Variants in SLC43A2 observed in about 807,000 individuals in gnomAD.
SLC43A2 encodes the protein solute carrier family 43 member 2.
In SLC43A2, 38 loss-of-function variants were observed where a neutral mutation model predicts 63.2. That is an observed-to-expected ratio of 0.60 (90% confidence interval 0.46 to 0.79). The LOEUF (loss-of-function observed/expected upper bound fraction) is 0.79. SLC43A2 is among the 30% of genes least tolerant of loss of function. The pLI, the probability that SLC43A2 is intolerant of heterozygous loss-of-function variation, is 0.00. For missense variants in SLC43A2, 644 were observed against 756.2 expected, an observed-to-expected ratio of 0.85 and a Z score of 1.74; for synonymous variants, 322 against 331.0, an observed-to-expected ratio of 0.97 and a Z score of 0.30.
rs200784957 is a variant in SLC43A2, at chr17:1,616,672, C to A, written c.258G>T (p.Glu86Asp). Residue 86 changes from glutamate to aspartate, a missense_variant, in exon 3 of 14, where the codon GAG (glutamate) becomes GAT (aspartate). By Grantham distance (45) the Glu-to-Asp change is conservative (BLOSUM62 2). Around this residue, in one of 3 missense-constraint regions of SLC43A2, gnomAD observed 528 missense variants for 623.6 expected, o/e 0.85. Transcript: ENST00000301335. The stretch of plus-strand genomic sequence containing the variant: ...CCACAGTGAAGGCCAAATTTAGCAT[C>A]TCGTCCTGGGCCTGGCAGCTGAGCC... ...NGWLSCQAQD[E>D]MLNLAFTVGS... The A allele has an allele frequency of 6.2e-7, 1 of 1,614,196 alleles. No homozygotes were observed.
In SLC43A2 at chr17:1,578,431, G is replaced by A. The variant is rs2075966042; in HGVS notation, c.1351-108C>T. 9.3e-7 allele frequency: 1 copy of A among 1,072,170 alleles called. No individual in the cohort carries two copies. The highest frequency in any genetic ancestry group is 1.3e-6 in the Non-Finnish European group (1 of 741,570). 66.4% of individuals were successfully genotyped at this position (1,072,170 alleles called of 1,614,324 possible). On this transcript the variant is annotated intron_variant, in intron 11 of 13. Transcript: ENST00000301335. This position sits in a 1 kb window ranked among gnomAD's most constrained non-coding sequence, Gnocchi z 6.5. ...TCACCCCAGGGGCAGTGTCAGCCTGGAGTTGGATCAACCCCATCCTCCGGA... is the reference window on the plus strand; with the variant it reads ...TCACCCCAGGGGCAGTGTCAGCCTGAAGTTGGATCAACCCCATCCTCCGGA...
rs1908186342 is a variant in SLC43A2 at position 1,621,776 on chromosome 17, T to C, written c.161-5007A>G. ...GTCTCATGGGGGTCCCTGGGGAAGC[T>C]GGGCTTGACTCCAGGCTGTCAGACC... On this transcript the variant is annotated intron_variant, in intron 2 of 13. Coordinates refer to ENST00000301335, the MANE Select transcript of SLC43A2 (RefSeq NM_152346.3). Among the ~76,000 whole-genome samples the C allele has an allele frequency of 2.0e-5, 3 of 152,354 alleles. No individual in the cohort carries two copies. The South Asian group carries it at 6.2e-4, about 32-fold the overall frequency.
rs1169370998 is a variant in SLC43A2 at position 1,583,267 on chromosome 17, G to A, written c.1287C>T (p.Ala429=). 2.5e-6 allele frequency: 4 copies of A among 1,614,110 alleles called. No individual in the cohort carries two copies. The East Asian group carries it at 6.7e-5, about 27-fold the overall frequency. ...AGCCCACGAGCAGCAGGTTGGTGAA[G>A]GCGAAGGCCCGCATGGCATTAGTGA... ...QKITNAMRAF[A]FTNLLLVGFG... is the part of the protein sequence containing the mutation. Residue 429 remains alanine, a synonymous_variant, in exon 11 of 14, where the codon GCC becomes GCT. Coordinates refer to ENST00000301335, the MANE Select transcript of SLC43A2 (RefSeq NM_152346.3). The surrounding 1 kb of genome is among the most constrained non-coding windows in gnomAD (Gnocchi z 5.5).
At position 1,593,699 on chromosome 17, in the gene SLC43A2, A is replaced by G. The variant is rs1358084427; in HGVS notation, c.502-420T>C. On this transcript the variant is annotated intron_variant, in intron 5 of 13. Transcript: ENST00000301335. The surrounding 1 kb of genome is among the most constrained non-coding windows in gnomAD (Gnocchi z 5.3). ...TAATAGCATCATTTTATAAATAAAA[A>G]TATCAGCATTCCAGAAAGACCAGAT... is the stretch of plus-strand genomic sequence containing the variant. Among the ~76,000 whole-genome samples the G allele has an allele frequency of 6.6e-6, 1 of 152,198 alleles. No homozygotes were observed. Among genetic ancestry groups the G allele is most frequent in the Non-Finnish European group, 1.5e-5 (1 of 68,034 alleles).
At chr17:1,597,910 T>C (rs572231228) in intron 5 of SLC43A2, among the ~76,000 whole-genome samples, 1 of 152,204 alleles carries the variant, frequency 6.6e-6, no homozygotes, top group African/African-American at 2.4e-5. Context: ...AGGTGAGCAA[T>C]CTTACTCTCT....
At chr17:1,587,051 G>C in intron 9 of SLC43A2, 2 of 1,340,800 alleles carry the variant, frequency 1.5e-6, no homozygotes, top group Non-Finnish European at 2.0e-6. Context: ...GAGGAGGCAG[G>C]CTCACTCCAT....
chr17:1,622,015 T>C (rs1261335283), intron 2 of SLC43A2, among the ~76,000 whole-genome samples: 1 of 152,188 alleles, frequency 6.6e-6, no homozygotes, highest in Non-Finnish European at 1.5e-5. Flanking sequence ...GGACAGGACC[T>C]TCATGGACAC....
chr17:1,613,050 C>T, intron 5 of SLC43A2, 145 bp downstream of exon 5: 3 of 690,968 alleles, frequency 4.3e-6, no homozygotes, highest in East Asian at 2.8e-5. Flanking sequence ...CCCTGCCAGG[C>T]CACCTCGCCC....
At position 1,591,265 on chromosome 17, in the gene SLC43A2, G is replaced by A; in HGVS notation, c.931+4C>T. ...GTCGCCCGGCTGCGGTCTCAGGCGG[G>A]TACCTGCGGCATCCGGCTGGCACTT... On this transcript the variant is annotated splice_donor_region_variant and intron_variant, in intron 8 of 13. Coordinates refer to ENST00000301335, the MANE Select transcript of SLC43A2 (RefSeq NM_152346.3). 1 of 1,602,634 alleles carries A rather than the reference G, an allele frequency of 6.2e-7. No individual in the cohort carries two copies. The highest frequency in any genetic ancestry group is 8.5e-7 in the Non-Finnish European group (1 of 1,179,804).
intron 11 of SLC43A2, among the ~76,000 whole-genome samples, chr17:1,580,418 C>G (rs929452681): frequency 1.2e-4 from 18 of 152,364 alleles, no homozygotes; most frequent in African/African-American, 3.8e-4. Flanking sequence ...ACCACGGCCT[C>G]GAGCTGCCTT....
chr17:1,587,196 G>C (rs1219529087), intron 9 of SLC43A2, among the ~76,000 whole-genome samples: 1 of 152,214 alleles, frequency 6.6e-6, no homozygotes, highest in Admixed American at 6.5e-5. Context: ...CCCAGCCCGG[G>C]CCCCTGCTGA....
At chr17:1,591,739 G>GGGGGGCCC in intron 6 of SLC43A2, 40 bp from the exon 7 acceptor site, 1 of 512,310 alleles carries the variant, frequency 2.0e-6, no homozygotes, top group Non-Finnish European at 3.9e-6. Flanking sequence ...GGGGGAGGGG[G>GGGGGGCCC]CAGAGTTAGC....
chr17:1,587,300 C>T (rs977826404), intron 9 of SLC43A2, among the ~76,000 whole-genome samples: 8 of 152,182 alleles, frequency 5.3e-5, no homozygotes, highest in African/African-American at 1.4e-4. Context: ...GGCGGGCATG[C>T]GGAAGACCTG....
At chr17:1,611,096 G>A (rs901550605) in intron 5 of SLC43A2, among the ~76,000 whole-genome samples, 3 of 151,950 alleles carry the variant, frequency 2.0e-5, no homozygotes, top group South Asian at 2.1e-4. Flanking sequence ...CACCCCCATC[G>A]GCCTCCCGGA....
At chr17:1,620,102 C>T (rs1338241040) in intron 2 of SLC43A2, among the ~76,000 whole-genome samples, 8 of 152,132 alleles carry the variant, frequency 5.3e-5, no homozygotes, top group South Asian at 2.1e-4. Flanking sequence ...CGGTGGCTCA[C>T]GCCTGTAATC....
intron 11 of SLC43A2, among the ~76,000 whole-genome samples, chr17:1,582,766 T>C (rs972898839): frequency 6.6e-6 from 1 of 152,132 alleles, no homozygotes; most frequent in Non-Finnish European, 1.5e-5. Context: ...GCTGCTCGGT[T>C]GAGTGGAATG....
chr17:1,584,801 C>T (rs1598440164), intron 10 of SLC43A2, among the ~76,000 whole-genome samples: 2 of 144,916 alleles, frequency 1.4e-5, no homozygotes, highest in South Asian at 2.2e-4. Context: ...GCCTGGGCGA[C>T]AGAGCGAGAC....
At position 1,578,270 on chromosome 17, in the gene SLC43A2, G is replaced by A. The variant is rs749892043; in HGVS notation, c.1404C>T (p.Val468=). The A allele has an allele frequency of 1.9e-5, 31 of 1,613,832 alleles. No individual in the cohort carries two copies. Among genetic ancestry groups the A allele is most frequent in the African/African-American group, 1.7e-4 (13 of 74,912 alleles). Residue 468 remains valine (V), a synonymous_variant, in exon 12 of 14, where the codon GTC becomes GTT. Transcript: ENST00000301335. The surrounding 1 kb of genome is among the most constrained non-coding windows in gnomAD (Gnocchi z 6.5). ...CTTACACGGCAGCGTACAGGCCCCCGACAGCGGAGTGGATGAATCCTCGCA... is the reference window on the plus strand; with the variant it reads ...CTTACACGGCAGCGTACAGGCCCCCAACAGCGGAGTGGATGAATCCTCGCA... ...TIVRGFIHSA[V]GGLYAAVYPS...
intron 3 of SLC43A2, among the ~76,000 whole-genome samples, chr17:1,616,182 T>G (rs1224660852): frequency 6.6e-6 from 1 of 151,834 alleles, no homozygotes; most frequent in African/African-American, 2.4e-5. Context: ...GTGTTGTTGG[T>G]TTTTTTTCTC....
Sources: gnomAD v4.1 joint callset for allele counts (sites outside exome capture counted in the v4.1 genomes callset) on GRCh38, gnomAD v4.1.1 for gene constraint, gnomAD v4.1.1 regional missense constraint, Gnocchi (gnomAD v3.1) non-coding constraint, MANE v1.5 for transcripts, NCBI Gene and HGNC (gene_info 2026-07-23, HGNC 2026-07-21) for gene names.